Variants in SORCS1 observed in about 807,000 individuals in gnomAD.
The protein encoded by SORCS1 is sortilin related VPS10 domain containing receptor 1, also known as VPS10 domain-containing receptor SorCS1.
Under a neutral mutation model 146.1 loss-of-function variants are expected in SORCS1, and 60 were observed. That is an observed-to-expected ratio of 0.41 (90% CI 0.33 to 0.51). SORCS1 has a LOEUF of 0.51. Among genes scored for constraint, SORCS1 ranks in the 20% least tolerant of loss-of-function variants. The pLI is 0.21. For missense variants in SORCS1, 1,352 were observed against 1,487.6 expected, an observed-to-expected ratio of 0.91 and a Z score of 1.50; for synonymous variants, 637 against 584.0, an observed-to-expected ratio of 1.09 and a Z score of -1.31.
chr10:106,953,226 T>C (rs1385939181), intron 2 of SORCS1, among the ~76,000 whole-genome samples: 1 of 151,742 alleles, frequency 6.6e-6, no homozygotes, highest in Admixed American at 6.6e-5. Context: ...GAGGGGATTT[T>C]TTCCAGAATC....
At chr10:107,145,816 A>G (rs749675616) in intron 1 of SORCS1, among the ~76,000 whole-genome samples, 21 of 152,212 alleles carry the variant, frequency 1.4e-4, no homozygotes, top group Non-Finnish European at 2.6e-4. Context: ...ACTTTTAAAT[A>G]GAGAGAAGCA....
Position 106,676,891 on chromosome 10 carries a change from A to G in SORCS1, c.1832+422T>C, listed in dbSNP as rs566145992. ...AAACTTACCAGATAAAGACATCTGG[A>G]CAATGAGAAGCCAGACTACTTACCC... On this transcript the variant is annotated intron_variant, in intron 13 of 25. Transcript: ENST00000263054. 9.8e-5 allele frequency among the ~76,000 whole-genome samples: 15 copies of G among 152,318 alleles called. No individual in the cohort carries two copies. In the South Asian group the frequency reaches 1.0e-3, roughly 11 times the overall value.
At chr10:107,088,461 ACT>A (rs1182726004) in intron 1 of SORCS1, among the ~76,000 whole-genome samples, 1 of 151,980 alleles carries the variant, frequency 6.6e-6, no homozygotes, top group Non-Finnish European at 1.5e-5. Flanking sequence ...CATGGCAGGC[ACT>A]CTCTGTCTGA....
chr10:106,629,850 C>T (rs1413685322), intron 18 of SORCS1, among the ~76,000 whole-genome samples: 2 of 152,134 alleles, frequency 1.3e-5, no homozygotes, highest in Admixed American at 6.5e-5. Context: ...TCAAGACCAT[C>T]CTGGCCAACA....
In SORCS1 at chr10:106,956,727, G is replaced by C. The variant is rs138688742; in HGVS notation, c.559-147C>G. The C allele has an allele frequency of 1.8e-4, 122 of 691,216 alleles. No homozygotes were observed. The East Asian group carries it at 3.3e-3, about 19-fold the overall frequency. The allele number at this position is 691,216 out of a possible 1,614,324, so 42.8% of individuals were successfully genotyped here. ...TACAGCATTTGCCACACTGACTGGG[G>C]AAAGGTTGGCTTGTCTTTCTGCCTT... is the stretch of plus-strand genomic sequence containing the variant. On this transcript the variant is annotated intron_variant, in intron 1 of 25. Transcript: ENST00000263054.
At chr10:106,922,600 G>A (rs1589711612) in intron 2 of SORCS1, among the ~76,000 whole-genome samples, 1 of 152,034 alleles carries the variant, frequency 6.6e-6, no homozygotes, top group Admixed American at 6.6e-5. Context: ...TATGACTCCT[G>A]TCCCCCTCCC....
chr10:106,723,830 A>G (rs112220717), intron 6 of SORCS1, among the ~76,000 whole-genome samples: 2,080 of 152,340 alleles, frequency 0.014, 49 homozygotes, highest in African/African-American at 0.048. Flanking sequence ...GGACCCCATC[A>G]GCAATCTGAG....
At chr10:106,825,669 T>A (rs1001875208) in intron 3 of SORCS1, among the ~76,000 whole-genome samples, 1 of 152,110 alleles carries the variant, frequency 6.6e-6, no homozygotes, top group Non-Finnish European at 1.5e-5. Context: ...TCATCTTTTC[T>A]TACAGCAGAC....
chr10:106,665,415 G>C (rs756476990), intron 17 of SORCS1, among the ~76,000 whole-genome samples: 72 of 145,224 alleles, frequency 5.0e-4, no homozygotes, highest in Non-Finnish European at 9.3e-4. Flanking sequence ...ATAGATGGGG[G>C]TTTCCCTATG....
chr10:107,068,427 T>A (rs1055637961), intron 1 of SORCS1, among the ~76,000 whole-genome samples: 4 of 152,198 alleles, frequency 2.6e-5, no homozygotes, highest in African/African-American at 9.7e-5. Flanking sequence ...TTAAACCTTA[T>A]GACAAATCAC....
At chr10:106,697,530 T>C (rs1466428298) in intron 9 of SORCS1, among the ~76,000 whole-genome samples, 2 of 152,096 alleles carry the variant, frequency 1.3e-5, no homozygotes, top group Non-Finnish European at 2.9e-5. Flanking sequence ...AATTTCAGTA[T>C]GGGAAGATGT....
At chr10:107,109,257 G>C (rs915441178) in intron 1 of SORCS1, among the ~76,000 whole-genome samples, 1 of 152,208 alleles carries the variant, frequency 6.6e-6, no homozygotes, top group Non-Finnish European at 1.5e-5. Context: ...CCTCTGTGCT[G>C]CCCTAGTAGA....
chr10:106,804,758 T>C (rs1272677532), intron 3 of SORCS1, among the ~76,000 whole-genome samples: 19 of 152,168 alleles, frequency 1.2e-4, no homozygotes, highest in Admixed American at 1.2e-3. Flanking sequence ...TATGGACCTC[T>C]TCATGAACAT....
chr10:106,804,270 C>T (rs1246220057), intron 3 of SORCS1, among the ~76,000 whole-genome samples: 2 of 151,786 alleles, frequency 1.3e-5, no homozygotes, highest in African/African-American at 2.4e-5. Flanking sequence ...TAATCTTGTG[C>T]TGCAGTGATC....
At chr10:106,925,195 G>T (rs1211387623) in intron 2 of SORCS1, among the ~76,000 whole-genome samples, 5 of 147,170 alleles carry the variant, frequency 3.4e-5, no homozygotes, top group African/African-American at 7.4e-5. Flanking sequence ...TCTATTGTTT[G>T]TTTTTTTTTT....
chr10:107,118,076 T>G (rs992752234), intron 1 of SORCS1, among the ~76,000 whole-genome samples: 10 of 152,138 alleles, frequency 6.6e-5, no homozygotes, highest in African/African-American at 1.9e-4. Context: ...TTATCCCCAG[T>G]GCAATGATAT....
intron 1 of SORCS1, among the ~76,000 whole-genome samples, chr10:106,980,286 CT>C (rs570673326): frequency 6.6e-6 from 1 of 152,156 alleles, no homozygotes; most frequent in East Asian, 1.9e-4. Context: ...CTGTGATCTA[CT>C]TTTTTTGCCA....
In SORCS1 at chr10:106,706,743, T is replaced by G. The variant is rs1332785739; in HGVS notation, c.1144-109A>C. 5.3e-6 allele frequency: 5 copies of G among 936,510 alleles called. No individual in the cohort carries two copies. The African/African-American group carries it at 6.5e-5, about 12-fold the overall frequency. The allele number at this position is 936,510 out of a possible 1,614,324, so 58.0% of individuals were successfully genotyped here. A position where few individuals can be genotyped will look rare whatever the true frequency, so the allele number is the denominator to read the frequency against. On this transcript the variant is annotated intron_variant, in intron 7 of 25. Coordinates refer to ENST00000263054, the MANE Select transcript of SORCS1 (RefSeq NM_052918.5). ...GAAGCTTCCAACACAACAAATGGCA[T>G]TAATGTCTATTGCGGACAAGTGTAA...
At chr10:107,163,060 G>T (rs1312880601) in intron 1 of SORCS1, among the ~76,000 whole-genome samples, 1 of 152,200 alleles carries the variant, frequency 6.6e-6, no homozygotes, top group Non-Finnish European at 1.5e-5. Context: ...CCCTCAGATT[G>T]CAGACATGCA....
Sources: gnomAD v4.1 joint callset for allele counts (sites outside exome capture counted in the v4.1 genomes callset) on GRCh38, gnomAD v4.1.1 for gene constraint, MANE v1.5 for transcripts, NCBI Gene and HGNC (gene_info 2026-07-23, HGNC 2026-07-21) for gene names.